Variants in AQP11 observed in about 807,000 individuals in gnomAD.
The protein encoded by AQP11 is aquaporin-11.
In AQP11, 20 loss-of-function variants were observed where a neutral mutation model predicts 21.1. The observed-to-expected ratio is 0.95, with a 90% CI of 0.67 to 1.38. AQP11 has a LOEUF of 1.38. Among genes scored for constraint, AQP11 ranks in the 40% most tolerant of loss-of-function variants. The pLI is 0.00. For synonymous variants in AQP11, 167 were observed against 150.1 expected, an observed-to-expected ratio of 1.11 and a Z score of -0.82; for missense variants, 339 against 340.4, an observed-to-expected ratio of 1.00 and a Z score of 0.03.
intron 1 of AQP11, among the ~76,000 whole-genome samples, chr11:77,597,752 C>CT (rs1481747628): frequency 8.6e-5 from 13 of 151,994 alleles, no homozygotes; most frequent in Admixed American, 5.2e-4. Context: ...GAGGTATTTT[C>CT]TTTTTTTCTT....
intron 1 of AQP11, among the ~76,000 whole-genome samples, chr11:77,603,040 C>T (rs1378482034): frequency 6.6e-6 from 1 of 152,202 alleles, no homozygotes; most frequent in Non-Finnish European, 1.5e-5. Context: ...TTGTGCTTAT[C>T]TCTCATGACT....
intron 1 of AQP11, among the ~76,000 whole-genome samples, chr11:77,596,127 G>A (rs1327607800): frequency 2.0e-5 from 3 of 152,026 alleles, no homozygotes; most frequent in Non-Finnish European, 4.4e-5. Flanking sequence ...GGGAGACGGA[G>A]GCGGGCGGAT....
rs1469814124 is a variant in AQP11, at chr11:77,590,242, T to A, written c.250T>A (p.Phe84Ile). Residue 84 changes from phenylalanine to isoleucine, a missense_variant, in exon 1 of 3, where the codon TTC becomes ATC. By Grantham distance (21) the Phe-to-Ile change is conservative (BLOSUM62 0). Coordinates refer to ENST00000313578, the MANE Select transcript of AQP11 (RefSeq NM_173039.3). ...CACCTGGACGCTGACGCTCGTCTACTTCTTCTCGCTTGTGCATGGCCTGAC... is the reference window on the plus strand; with the variant it reads ...CACCTGGACGCTGACGCTCGTCTACATCTTCTCGCTTGTGCATGGCCTGAC... The part of the protein sequence containing the change: ...HPTWTLTLVY[F>I]FSLVHGLTLV... The A allele has an allele frequency of 2.5e-6, 4 of 1,597,770 alleles. No homozygotes were observed. Among genetic ancestry groups the A allele is most frequent in the Non-Finnish European group, 1.7e-6 (2 of 1,171,618 alleles).
chr11:77,606,583 T>A (rs188533065), intron 2 of AQP11, among the ~76,000 whole-genome samples: 116 of 152,332 alleles, frequency 7.6e-4, no homozygotes, highest in Middle Eastern at 6.8e-3. Flanking sequence ...TTGGTCTGGC[T>A]GTGTCACCCA....
intron 1 of AQP11, among the ~76,000 whole-genome samples, chr11:77,602,763 T>C (rs1958822384): frequency 1.3e-5 from 2 of 152,202 alleles, no homozygotes; most frequent in Non-Finnish European, 2.9e-5. Context: ...AGGATCTATC[T>C]CTGTGGCTAA....
At chr11:77,599,675 C>G (rs1958804075) in intron 1 of AQP11, among the ~76,000 whole-genome samples, 3 of 151,958 alleles carry the variant, frequency 2.0e-5, no homozygotes, top group Admixed American at 6.6e-5. Flanking sequence ...ACCTCCGCCT[C>G]CCCGGCTCAC....
chr11:77,608,894 G>A (rs1032238499), intron 2 of AQP11, among the ~76,000 whole-genome samples: 1 of 152,152 alleles, frequency 6.6e-6, no homozygotes, highest in Admixed American at 6.5e-5. Context: ...TGTCCCTGGG[G>A]CACGGAGGAA....
intron 1 of AQP11, chr11:77,591,424 C>T (rs1275248555): frequency 1.5e-6 from 1 of 646,604 alleles, no homozygotes; most frequent in Non-Finnish European, 1.9e-6. Flanking sequence ...TTTATTGGGA[C>T]TACATCTAAA....
intron 1 of AQP11, among the ~76,000 whole-genome samples, chr11:77,596,537 A>AATATATATGTAAATATATATATAT (rs1958783041): frequency 2.3e-4 from 20 of 86,560 alleles, no homozygotes; most frequent in Non-Finnish European, 3.9e-4. Flanking sequence ...TATATATGTA[A>AATATATATGTAAATATATATATAT]ATATATATAT....
chr11:77,592,661 G>A (rs1958755794), intron 1 of AQP11, among the ~76,000 whole-genome samples: 1 of 152,162 alleles, frequency 6.6e-6, no homozygotes, highest in Non-Finnish European at 1.5e-5. Context: ...AAATTTGAGA[G>A]AAGAGACACA....
chr11:77,594,109 A>C (rs1249114268), intron 1 of AQP11, among the ~76,000 whole-genome samples: 2 of 152,174 alleles, frequency 1.3e-5, no homozygotes, highest in Non-Finnish European at 1.5e-5. Context: ...GTTTCTGTTT[A>C]TGTTATGAAA....
In AQP11 at chr11:77,603,645, A is replaced by G. The variant is rs1375690943; in HGVS notation, c.709A>G (p.Ile237Val). 3 of 1,607,540 alleles carry G rather than the reference A, an allele frequency of 1.9e-6. No individual in the cohort carries two copies. Reference sequence around the variant, plus strand: ...TGATGAAGCATTCCCTCAGTTTTTTATAGTATACTGGCTGGCTCCTTCTTT... The same window carrying G: ...TGATGAAGCATTCCCTCAGTTTTTTGTAGTATACTGGCTGGCTCCTTCTTT... ...CFDEAFPQFF[I>V]VYWLAPSLGI... The change falls in exon 2 of 3, where the codon ATA becomes GTA. Residue 237 changes from isoleucine (I) to valine (V), a missense_variant. By Grantham distance (29) the Ile-to-Val change is conservative. Transcript: ENST00000313578.
At chr11:77,603,956 A>G (rs1378930550) in intron 2 of AQP11, among the ~76,000 whole-genome samples, 1 of 150,804 alleles carries the variant, frequency 6.6e-6, no homozygotes, top group Non-Finnish European at 1.5e-5. Flanking sequence ...TTTTTTTGCT[A>G]AAGAAATTTG....
intron 1 of AQP11, among the ~76,000 whole-genome samples, chr11:77,592,291 GAA>G (rs1958753781): frequency 6.6e-6 from 1 of 151,846 alleles, no homozygotes; most frequent in Admixed American, 6.6e-5. Flanking sequence ...AAGAAAAAGA[GAA>G]AAAGAGTGAC....
chr11:77,602,166 C>G (rs949620513), intron 1 of AQP11, among the ~76,000 whole-genome samples: 2 of 152,248 alleles, frequency 1.3e-5, no homozygotes, highest in East Asian at 1.9e-4. Context: ...TAAGACTGAT[C>G]AGTGGTGTTC....
rs1958869038 is a variant in AQP11, at chr11:77,610,177, A to G, written c.*800A>G. On this transcript the variant is annotated 3_prime_UTR_variant, in exon 3 of 3. Transcript: ENST00000313578. ...TGGGTTTGCTGCCCTGGCTTAGATC[A>G]CATAGAGCCAAATACCATCTCTAGT... The G allele has an allele frequency of 6.6e-6, 1 of 152,206 alleles. No homozygotes were observed. The highest frequency in any genetic ancestry group is 2.4e-5 in the African/African-American group (1 of 41,462). 9.4% of individuals were successfully genotyped at this position (152,206 alleles called of 1,614,324 possible). A position where few individuals can be genotyped will look rare whatever the true frequency, so the allele number is the denominator to read the frequency against.
chr11:77,605,829 T>C (rs374371480), intron 2 of AQP11, among the ~76,000 whole-genome samples: 3 of 151,660 alleles, frequency 2.0e-5, no homozygotes, highest in South Asian at 4.2e-4. Flanking sequence ...GAGGCCGAGG[T>C]GCGTGGATCA....
At chr11:77,590,959 A>G (rs2135742449) in intron 1 of AQP11, 1 of 985,404 alleles carries the variant, frequency 1.0e-6, no homozygotes, top group African/African-American at 1.7e-5. Context: ...GGTGGTATAG[A>G]TCGTTTCGGA....
At chr11:77,601,874 G>C (rs1958817498) in intron 1 of AQP11, among the ~76,000 whole-genome samples, 1 of 152,150 alleles carries the variant, frequency 6.6e-6, no homozygotes, top group Non-Finnish European at 1.5e-5. Flanking sequence ...AACTTACATG[G>C]TCAGGGCATT....
Sources: allele counts gnomAD v4.1 joint callset (sites outside exome capture counted in the v4.1 genomes callset), GRCh38; gene constraint gnomAD v4.1.1; transcripts MANE v1.5; gene names NCBI Gene and HGNC (gene_info 2026-07-23, HGNC 2026-07-21).